Variants in GTF2F2 observed in about 807,000 individuals in gnomAD.
GTF2F2 encodes the protein general transcription factor IIF subunit 2.
GTF2F2 carries 23 observed loss-of-function variants against 42.2 expected under a neutral mutation model. The ratio of observed to expected loss-of-function variants is 0.55; its 90% CI spans 0.39 to 0.77. GTF2F2 has a LOEUF of 0.77. GTF2F2 is among the 30% of genes least tolerant of loss of function. The probability of loss-of-function intolerance (pLI) is 0.00; values close to 1 mark genes in which losing one functional copy is unlikely to be tolerated. For synonymous variants in GTF2F2, 105 were observed against 100.8 expected (o/e 1.04, Z -0.25); for missense variants, 261 against 287.2 (o/e 0.91, Z 0.66).
At chr13:45,245,666 A>AATATATATATATAT (rs372488927) in intron 5 of GTF2F2, among the ~76,000 whole-genome samples, 41 of 110,826 alleles carry the variant, frequency 3.7e-4, no homozygotes, top group Middle Eastern at 4.5e-3. Context: ...CCATGGTGTG[A>AATATATATATATAT]ATATATATAT....
At chr13:45,248,116 T>A (rs567159876) in intron 5 of GTF2F2, among the ~76,000 whole-genome samples, 1 of 152,336 alleles carries the variant, frequency 6.6e-6, no homozygotes, top group Non-Finnish European at 1.5e-5. Flanking sequence ...GTGCTGAGAT[T>A]ACAGGCGTGA....
chr13:45,269,952 C>T (rs1363049669), intron 7 of GTF2F2, among the ~76,000 whole-genome samples: 1 of 152,144 alleles, frequency 6.6e-6, no homozygotes, highest in African/African-American at 2.4e-5. Flanking sequence ...CTGCCTCAGC[C>T]TCCTGAGTAG....
In GTF2F2 at chr13:45,174,207, T is replaced by C. The variant is rs553466555; in HGVS notation, c.304+22376T>C. Among the ~76,000 whole-genome samples the C allele has an allele frequency of 5.4e-4, 82 of 152,330 alleles. 1 individual carries two copies. The South Asian group carries it at 0.012, about 22-fold the overall frequency. ...GTGTGAGTGCAGGTTTTCATTTCTT[T>C]GGGATTAATGCCCAAGAGTGCATTT... On this transcript the variant is annotated intron_variant, in intron 4 of 7. Transcript: ENST00000340473.
chr13:45,248,751 C>T (rs1361921042), intron 5 of GTF2F2, among the ~76,000 whole-genome samples: 5 of 152,194 alleles, frequency 3.3e-5, no homozygotes, highest in Admixed American at 6.5e-5. Flanking sequence ...GCTGGGATTA[C>T]AGGCGTGAGC....
At chr13:45,219,934 C>T (rs999817793) in intron 5 of GTF2F2, among the ~76,000 whole-genome samples, 5 of 152,058 alleles carry the variant, frequency 3.3e-5, no homozygotes, top group East Asian at 1.9e-4. Flanking sequence ...GTCAGAAAAA[C>T]GGGAAAGGAT....
At position 45,284,887 on chromosome 13, in the gene GTF2F2, A is replaced by C. The variant is rs968751272; in HGVS notation, c.*1326A>C. ...CACACTGAAAAATAAAATTCTGAGT[A>C]AAGAAAGTGTTCCCATTCCCCACTC... On this transcript the variant is annotated 3_prime_UTR_variant, in exon 8 of 8. Transcript: ENST00000340473. 6.6e-6 allele frequency: 1 copy of C among 152,222 alleles called. No homozygotes were observed. The highest frequency in any genetic ancestry group is 1.5e-5 in the Non-Finnish European group (1 of 68,026). 9.4% of individuals were successfully genotyped at this position (152,222 alleles called of 1,614,324 possible). A position where few individuals can be genotyped will look rare whatever the true frequency, so the allele number is the denominator to read the frequency against.
At chr13:45,234,033 A>C (rs1013119152) in intron 5 of GTF2F2, among the ~76,000 whole-genome samples, 1 of 152,228 alleles carries the variant, frequency 6.6e-6, no homozygotes, top group Admixed American at 6.5e-5. Flanking sequence ...CTACCAAAGC[A>C]ACATTTGCAA....
At chr13:45,172,457 T>G (rs1304436160) in intron 4 of GTF2F2, among the ~76,000 whole-genome samples, 3 of 152,220 alleles carry the variant, frequency 2.0e-5, no homozygotes, top group Admixed American at 1.3e-4. Flanking sequence ...TATTCAGAGA[T>G]ATGATTTGCA....
At position 45,264,660 on chromosome 13, in the gene GTF2F2, T is replaced by C. The variant is rs557032460; in HGVS notation, c.487-2573T>C. Among the ~76,000 whole-genome samples, 3 of 152,346 alleles carry C rather than the reference T, an allele frequency of 2.0e-5. No individual in the cohort carries two copies. The South Asian group carries it at 6.2e-4, about 32-fold the overall frequency. ...TTACAACTTAATCCGACCCTTACTC[T>C]TATCCCTAGTGTTGATTTTAAAGTT... On this transcript the variant is annotated intron_variant, in intron 6 of 7. Coordinates refer to ENST00000340473, the MANE Select transcript of GTF2F2 (RefSeq NM_004128.3).
Position 45,207,419 on chromosome 13 carries a change from TCAAGATAA to T in GTF2F2, c.305-4_308del. ...TCTCTGAATCCTTTTTTTTTTCCATTCAAGATAAGCTGTCATTGGAAGGAATAGTGGTA... is the reference window on the plus strand; with the variant it reads ...TCTCTGAATCCTTTTTTTTTTCCATTGCTGTCATTGGAAGGAATAGTGGTA... On this transcript the variant is annotated splice_acceptor_variant and splice_polypyrimidine_tract_variant and coding_sequence_variant and intron_variant, in exon 5 of 8. Transcript: ENST00000340473. LOFTEE classifies it high-confidence loss of function. 6.3e-7 allele frequency: 1 copy of T among 1,582,830 alleles called. No homozygotes were observed. Among genetic ancestry groups the T allele is most frequent in the Admixed American group, 1.7e-5 (1 of 59,752 alleles).
intron 5 of GTF2F2, among the ~76,000 whole-genome samples, chr13:45,233,092 A>G (rs1169745148): frequency 1.3e-5 from 2 of 152,172 alleles, no homozygotes; most frequent in African/African-American, 2.4e-5. Flanking sequence ...TTGTATATGC[A>G]TTAAATCCAC....
intron 4 of GTF2F2, among the ~76,000 whole-genome samples, chr13:45,175,617 C>T (rs1336982314): frequency 1.3e-5 from 2 of 152,038 alleles, no homozygotes; most frequent in Non-Finnish European, 2.9e-5. Context: ...TTGGATTTGC[C>T]TGATTCTTTT....
intron 6 of GTF2F2, among the ~76,000 whole-genome samples, chr13:45,262,384 T>C (rs953469314): frequency 3.3e-5 from 5 of 152,176 alleles, no homozygotes; most frequent in African/African-American, 1.2e-4. Flanking sequence ...TAAAATTAGT[T>C]AACTAATTAA....
intron 4 of GTF2F2, among the ~76,000 whole-genome samples, chr13:45,195,106 T>C (rs1358968519): frequency 6.6e-6 from 1 of 152,140 alleles, no homozygotes; most frequent in Non-Finnish European, 1.5e-5. Context: ...CCGGAAAAAG[T>C]CACACATTTC....
chr13:45,169,163 A>C (rs1293073061), intron 4 of GTF2F2, among the ~76,000 whole-genome samples: 1 of 151,818 alleles, frequency 6.6e-6, no homozygotes, highest in African/African-American at 2.4e-5. Flanking sequence ...CCCTGCTCCA[A>C]ATTCATAGGT....
chr13:45,165,898 C>CT (rs1158241648), intron 4 of GTF2F2, among the ~76,000 whole-genome samples: 1 of 143,612 alleles, frequency 7.0e-6, no homozygotes, highest in Non-Finnish European at 1.5e-5. Flanking sequence ...ACTGCAACCT[C>CT]TGTCTCCCAG....
chr13:45,144,703 A>C (rs891402938), intron 2 of GTF2F2, among the ~76,000 whole-genome samples: 1 of 151,706 alleles, frequency 6.6e-6, no homozygotes, highest in African/African-American at 2.4e-5. Context: ...GGCCTCCCAA[A>C]GTGCTTATTT....
At chr13:45,129,666 A>G (rs145778109) in intron 1 of GTF2F2, among the ~76,000 whole-genome samples, 1,545 of 152,336 alleles carry the variant, frequency 0.01, 31 homozygotes, top group African/African-American at 0.032. Context: ...AATGATAACT[A>G]TTCTTCTATT....
chr13:45,272,080 A>AT (rs1876816514), intron 7 of GTF2F2, among the ~76,000 whole-genome samples: 1 of 149,244 alleles, frequency 6.7e-6, no homozygotes. Flanking sequence ...AAATTTTTAT[A>AT]TTTTTATATT....
Sources: gnomAD v4.1 joint callset for allele counts (sites outside exome capture counted in the v4.1 genomes callset) on GRCh38, gnomAD v4.1.1 for gene constraint, MANE v1.5 for transcripts, NCBI Gene and HGNC (gene_info 2026-07-23, HGNC 2026-07-21) for gene names.